The following PTBP3 variants were observed in gnomAD, a reference collection of about 807,000 sequenced individuals.
PTBP3 encodes the protein polypyrimidine tract-binding protein 3.
In PTBP3, 20 loss-of-function variants were observed where a neutral mutation model predicts 58.7. The observed-to-expected ratio is 0.34, with a 90% confidence interval of 0.24 to 0.50. The LOEUF (loss-of-function observed/expected upper bound fraction) is 0.50, where lower values mean the gene tolerates loss of function less well. Among genes scored for constraint, PTBP3 ranks in the 20% least tolerant of loss-of-function variants. PTBP3 has a pLI of 0.98. For missense variants in PTBP3, 509 were observed against 637.2 expected, an observed-to-expected ratio of 0.80 and a Z score of 2.17; for synonymous variants, 185 against 219.8, an observed-to-expected ratio of 0.84 and a Z score of 1.40.
Position 112,222,767 on chromosome 9 carries a change from T to C in PTBP3, c.*1084A>G. 1.0e-6 allele frequency: 1 copy of C among 952,898 alleles called. No homozygotes were observed. Among genetic ancestry groups the C allele is most frequent in the Non-Finnish European group, 1.3e-6 (1 of 799,950 alleles). 59.0% of individuals were successfully genotyped at this position (952,898 alleles called of 1,614,324 possible). A position where few individuals can be genotyped will look rare whatever the true frequency, so the allele number is the denominator to read the frequency against. On this transcript the variant is annotated 3_prime_UTR_variant, in exon 14 of 14. Coordinates refer to ENST00000374257, the MANE Select transcript of PTBP3 (RefSeq NM_001163788.4). The stretch of plus-strand genomic sequence containing the variant: ...CTTTCAAGATATTTAGATTAAACTC[T>C]AACCTATTGTATCTTAAGCACATAA...
At chr9:112,269,682 T>C (rs1439101752) in intron 3 of PTBP3, among the ~76,000 whole-genome samples, 1 of 152,184 alleles carries the variant, frequency 6.6e-6, no homozygotes, top group Non-Finnish European at 1.5e-5. Flanking sequence ...GATTTTTATT[T>C]GAGATCATTT....
chr9:112,300,199 T>C (rs985416174), intron 1 of PTBP3, among the ~76,000 whole-genome samples: 1 of 152,196 alleles, frequency 6.6e-6, no homozygotes, highest in African/African-American at 2.4e-5. Context: ...ATCCAATCTA[T>C]TAAAGTCAAA....
chr9:112,241,512 G>A (rs982691049), intron 7 of PTBP3, among the ~76,000 whole-genome samples: 2 of 152,090 alleles, frequency 1.3e-5, no homozygotes, highest in Non-Finnish European at 2.9e-5. Flanking sequence ...CTTTTATACT[G>A]TATTTTTACT....
intron 7 of PTBP3, among the ~76,000 whole-genome samples, chr9:112,236,816 C>T (rs4979089): frequency 0.56 from 84,527 of 151,940 alleles, 25,232 homozygotes; most frequent in African/African-American, 0.79. Flanking sequence ...CCCTTATTCT[C>T]GACTCTCTGC....
the PTBP3 span, among the ~76,000 whole-genome samples, chr9:112,356,744 G>C: frequency 6.6e-6 from 1 of 151,868 alleles, no homozygotes; most frequent in African/African-American, 2.4e-5. Context: ...CAGTGGGATT[G>C]TCAGAGATAT....
At chr9:112,276,794 A>G (rs1329734068) in intron 2 of PTBP3, among the ~76,000 whole-genome samples, 3 of 152,214 alleles carry the variant, frequency 2.0e-5, no homozygotes, top group Admixed American at 2.0e-4. Flanking sequence ...TTGTTTCAAT[A>G]CTGAGAATAA....
Position 112,333,571 on chromosome 9 carries a change from C to T in PTBP3, c.-153G>A, listed in dbSNP as rs1243160181. 68 of 1,461,094 alleles carry T rather than the reference C, an allele frequency of 4.7e-5. 1 individual carries two copies. Among genetic ancestry groups the T allele is most frequent in the Middle Eastern group, 1.8e-4 (1 of 5,502 alleles). The allele number at this position is 1,461,094 out of a possible 1,614,324, so 90.5% of individuals were successfully genotyped here. On this transcript the variant is annotated 5_prime_UTR_variant, in exon 1 of 14. Transcript: ENST00000374257. The stretch of plus-strand genomic sequence containing the variant: ...GCAGCAGGGCGGTTCCGGGGACAAG[C>T]GAGCTTTGGCTCTGCGGAGCCCCGG...
In PTBP3 at chr9:112,297,966, G is replaced by A. The variant is rs757415387; in HGVS notation, c.-51-50C>T. ...TTAATAAACCAAGTTTTAGATAATG[G>A]TCCATATTTACTAAAAGTATTAAAA... On this transcript the variant is annotated intron_variant, in intron 1 of 13. Transcript: ENST00000374257. 24 of 1,395,880 alleles carry A rather than the reference G, an allele frequency of 1.7e-5. No individual in the cohort carries two copies. The South Asian group carries it at 2.4e-4, about 14-fold the overall frequency. The allele number at this position is 1,395,880 out of a possible 1,614,324, so 86.5% of individuals were successfully genotyped here. A position where few individuals can be genotyped will look rare whatever the true frequency, so the allele number is the denominator to read the frequency against.
the PTBP3 span, among the ~76,000 whole-genome samples, chr9:112,356,824 A>AAT: frequency 7.0e-6 from 1 of 142,734 alleles, no homozygotes; most frequent in Admixed American, 7.0e-5. Context: ...ACACACACAC[A>AAT]ATTTGGCCCC....
chr9:112,377,079 T>C, the PTBP3 span, among the ~76,000 whole-genome samples: 1 of 152,250 alleles, frequency 6.6e-6, no homozygotes, highest in Non-Finnish European at 1.5e-5. Context: ...CTTGTGTCCC[T>C]GGCCATGGCC....
Position 112,220,971 on chromosome 9 carries a change from A to G in PTBP3, c.*2880T>C. 1.0e-6 allele frequency: 1 copy of G among 967,022 alleles called. No individual in the cohort carries two copies. The allele number at this position is 967,022 out of a possible 1,614,324, so 59.9% of individuals were successfully genotyped here. On this transcript the variant is annotated 3_prime_UTR_variant, in exon 14 of 14. Coordinates refer to ENST00000374257, the MANE Select transcript of PTBP3 (RefSeq NM_001163788.4). ...TGCATGCCAAAACAGAGATACACAG[A>G]TCTAGTTTTTCCACCATCCTGATAT...
intron 5 of PTBP3, among the ~76,000 whole-genome samples, chr9:112,261,115 T>G (rs1313242969): frequency 6.6e-6 from 1 of 152,146 alleles, no homozygotes; most frequent in Non-Finnish European, 1.5e-5. Context: ...AATGCCACTT[T>G]CCGGGATAAA....
chr9:112,379,840 C>T, the PTBP3 span: 1 of 507,464 alleles, frequency 2.0e-6, no homozygotes, highest in South Asian at 2.4e-5. Context: ...GCTGCCCAGA[C>T]GCTAGGCGCC....
At position 112,333,510 on chromosome 9, in the gene PTBP3, T is replaced by G. The variant is rs1165321737; in HGVS notation, c.-92A>C. 2 of 1,584,320 alleles carry G rather than the reference T, an allele frequency of 1.3e-6. No homozygotes were observed. The highest frequency in any genetic ancestry group is 3.5e-5 in the Admixed American group (2 of 57,030). Reference sequence around the variant, plus strand: ...ATGGAGGCGCGCACAGAGCAGGGACTGACGGGCTAACCGCGAGCAGAGGAA... The same window carrying G: ...ATGGAGGCGCGCACAGAGCAGGGACGGACGGGCTAACCGCGAGCAGAGGAA... On this transcript the variant is annotated 5_prime_UTR_variant, in exon 1 of 14. Transcript: ENST00000374257.
chr9:112,265,886 T>A (rs1048172989), intron 4 of PTBP3, among the ~76,000 whole-genome samples: 6 of 152,102 alleles, frequency 3.9e-5, no homozygotes, highest in African/African-American at 1.4e-4. Context: ...CATTCCTACA[T>A]CCAAAAAATT....
chr9:112,230,895 C>T (rs1426738804), intron 10 of PTBP3, among the ~76,000 whole-genome samples: 1 of 152,186 alleles, frequency 6.6e-6, no homozygotes, highest in Non-Finnish European at 1.5e-5. Flanking sequence ...TCAATGGCTT[C>T]CGATTGTTCT....
At chr9:112,284,471 A>G (rs1243512504) in intron 2 of PTBP3, among the ~76,000 whole-genome samples, 7 of 152,180 alleles carry the variant, frequency 4.6e-5, no homozygotes, top group Non-Finnish European at 8.8e-5. Context: ...CGAGGCAGGC[A>G]GATCACTTGA....
chr9:112,369,817 T>A, the PTBP3 span, among the ~76,000 whole-genome samples: 3 of 152,146 alleles, frequency 2.0e-5, no homozygotes, highest in Non-Finnish European at 4.4e-5. Flanking sequence ...TCATCTCAAA[T>A]TGTAGCTCCC....
At chr9:112,294,097 T>G (rs1385949151) in intron 2 of PTBP3, among the ~76,000 whole-genome samples, 1 of 152,186 alleles carries the variant, frequency 6.6e-6, no homozygotes, top group Non-Finnish European at 1.5e-5. Context: ...AAAAAATTAA[T>G]GGAGACCAAA....
Sources: gnomAD v4.1 joint callset for allele counts (sites outside exome capture counted in the v4.1 genomes callset) on GRCh38, gnomAD v4.1.1 for gene constraint, MANE v1.5 for transcripts, NCBI Gene and HGNC (gene_info 2026-07-23, HGNC 2026-07-21) for gene names.